Variants in RCL1 observed in about 807,000 individuals in gnomAD.
RCL1 encodes the protein RNA terminal phosphate cyclase like 1, also known as RNA 3'-terminal phosphate cyclase-like protein.
RCL1 carries 24 observed loss-of-function variants against 42.4 expected under a neutral mutation model. That is an observed-to-expected ratio of 0.57 (90% CI 0.41 to 0.80). RCL1 has a LOEUF of 0.80. Ranked by LOEUF, RCL1 falls within the 30% of genes least tolerant of loss-of-function variation. The pLI is 0.00. For missense variants in RCL1, 578 were observed against 467.9 expected, an observed-to-expected ratio of 1.24 and a Z score of -2.17; for synonymous variants, 228 against 177.3, an observed-to-expected ratio of 1.29 and a Z score of -2.27.
At chr9:4,794,517 A>G (rs1475158119) in intron 1 of RCL1, among the ~76,000 whole-genome samples, 1 of 152,164 alleles carries the variant, frequency 6.6e-6, no homozygotes, top group Non-Finnish European at 1.5e-5. Flanking sequence ...TGTTTGCTTG[A>G]TTGCTGTGTG....
At chr9:4,803,599 T>C (rs1380768024) in intron 1 of RCL1, among the ~76,000 whole-genome samples, 1 of 152,110 alleles carries the variant, frequency 6.6e-6, no homozygotes, top group Non-Finnish European at 1.5e-5. Context: ...GTTCTTTGAT[T>C]TTTATCTTTT....
At chr9:4,847,283 T>C (rs371709189) in intron 7 of RCL1, among the ~76,000 whole-genome samples, 4 of 152,228 alleles carry the variant, frequency 2.6e-5, no homozygotes, top group East Asian at 1.9e-4. Flanking sequence ...TTTATGTCTA[T>C]GATCTTTAAT....
chr9:4,834,317 C>T, intron 5 of RCL1, 52 bp downstream of exon 5: 1 of 1,565,628 alleles, frequency 6.4e-7, no homozygotes, highest in East Asian at 2.3e-5. Context: ...TGTTGCCTCA[C>T]TAAGATAAGA....
At position 4,827,755 on chromosome 9, in the gene RCL1, TGCAC is replaced by T. The variant is rs1318020713; in HGVS notation, c.384+725_384+728del. 5.0e-5 allele frequency among the ~76,000 whole-genome samples: 4 copies of T among 80,014 alleles called. No homozygotes were observed. The East Asian group carries it at 1.7e-3, about 34-fold the overall frequency. 52.5% of individuals were successfully genotyped at this position (80,014 alleles called of 152,430 possible). ...AAGTGTGTGTGTGTGTGTGTGTGTGTGCACGCGTGTGTGTGTGTGTGTGTGAGAG... is the reference window on the plus strand; with the variant it reads ...AAGTGTGTGTGTGTGTGTGTGTGTGTGCGTGTGTGTGTGTGTGTGTGAGAG... On this transcript the variant is annotated intron_variant, in intron 3 of 8. Transcript: ENST00000381750.
chr9:4,832,135 C>G (rs1286196800), intron 3 of RCL1, among the ~76,000 whole-genome samples: 1 of 152,238 alleles, frequency 6.6e-6, no homozygotes, highest in East Asian at 1.9e-4. Flanking sequence ...TCTTTCTACT[C>G]TTATCAGGAA....
At chr9:4,837,492 A>G (rs554563861) in intron 5 of RCL1, among the ~76,000 whole-genome samples, 1 of 151,990 alleles carries the variant, frequency 6.6e-6, no homozygotes, top group South Asian at 2.1e-4. Context: ...TTAATGCTGT[A>G]TTGGCGGCCG....
Position 4,793,234 on chromosome 9 carries a change from T to A in RCL1, c.136+7T>A. 6.3e-7 allele frequency: 1 copy of A among 1,588,606 alleles called. No individual in the cohort carries two copies. The highest frequency in any genetic ancestry group is 1.1e-5 in the South Asian group (1 of 87,842). ...GACAACCCGGGCCTCCGAGGTAACT[T>A]GGTGTGGGCGGCGCGCGGCGTGGGC... is the stretch of plus-strand genomic sequence containing the variant. On this transcript the variant is annotated splice_region_variant and intron_variant, in intron 1 of 8. Coordinates refer to ENST00000381750, the MANE Select transcript of RCL1 (RefSeq NM_005772.5).
intron 1 of RCL1, among the ~76,000 whole-genome samples, chr9:4,798,222 A>G (rs1017754897): frequency 6.6e-6 from 1 of 152,220 alleles, no homozygotes; most frequent in Non-Finnish European, 1.5e-5. Flanking sequence ...AAGTGCCTCT[A>G]TCTCTGGATT....
rs1563822305 is a variant in RCL1, at chr9:4,793,076, T to G, written c.-16T>G. On this transcript the variant is annotated 5_prime_UTR_variant, in exon 1 of 9. Coordinates refer to ENST00000381750, the MANE Select transcript of RCL1 (RefSeq NM_005772.5). ...GCCGCTCTCGGGCTGCTCACGTCTC[T>G]TCGGAGAGCGCGCACATGGCGACTC... The G allele has an allele frequency of 1.9e-6, 3 of 1,606,498 alleles. No homozygotes were observed. The highest frequency in any genetic ancestry group is 2.5e-6 in the Non-Finnish European group (3 of 1,176,864).
At chr9:4,847,303 G>A (rs1817553524) in intron 7 of RCL1, among the ~76,000 whole-genome samples, 2 of 152,116 alleles carry the variant, frequency 1.3e-5, no homozygotes, top group African/African-American at 2.4e-5. Context: ...TTATTAAAAG[G>A]ATGGAAATAC....
chr9:4,832,993 C>T (rs1186836300), intron 3 of RCL1, among the ~76,000 whole-genome samples, 161 bp from the exon 4 acceptor site: 1 of 152,104 alleles, frequency 6.6e-6, no homozygotes, highest in African/African-American at 2.4e-5. Flanking sequence ...TCACAGTGTT[C>T]CTCAGGCAGA....
intron 8 of RCL1, among the ~76,000 whole-genome samples, chr9:4,850,109 A>G (rs1353961089): frequency 6.6e-6 from 1 of 152,224 alleles, no homozygotes; most frequent in African/African-American, 2.4e-5. Context: ...GAAGACTTGA[A>G]TTATAAATGA....
intron 5 of RCL1, among the ~76,000 whole-genome samples, chr9:4,840,731 G>C (rs144151392): frequency 0.013 from 1,998 of 152,218 alleles, 39 homozygotes; most frequent in African/African-American, 0.045. Context: ...AACTTTTTCT[G>C]CTTCTCCCAT....
chr9:4,809,199 G>A (rs1816081632), intron 1 of RCL1, among the ~76,000 whole-genome samples: 1 of 151,638 alleles, frequency 6.6e-6, no homozygotes, highest in Non-Finnish European at 1.5e-5. Flanking sequence ...AATCTTCAGT[G>A]TTTGTCATTA....
chr9:4,810,318 C>G (rs550557512), intron 1 of RCL1, among the ~76,000 whole-genome samples: 243 of 152,254 alleles, frequency 1.6e-3, no homozygotes, highest in African/African-American at 5.5e-3. Context: ...AGCATCCTCC[C>G]ATGCTTGTGC....
chr9:4,854,014 C>A (rs1198597003), intron 8 of RCL1, among the ~76,000 whole-genome samples: 2 of 152,206 alleles, frequency 1.3e-5, no homozygotes, highest in Non-Finnish European at 2.9e-5. Flanking sequence ...CACTGCATTC[C>A]ATGAGCTTGC....
chr9:4,860,132 T>G lies in RCL1; in HGVS notation c.979T>G (p.Phe327Val), dbSNP rs751205726. Residue 327 changes from phenylalanine (F) to valine (V), a missense_variant, in exon 9 of 9, where the codon TTT becomes GTT. Phe to Val is a conservative substitution (Grantham distance 50). Transcript: ENST00000381750. ...LGPLSPYTIE[F>V]LRHLKSFFQI... ...TATTTTTTTCCTTTTTAGGATAGAA[T>G]TTTTGCGGCATTTGAAGAGCTTTTT... 7 of 1,579,670 alleles carry G rather than the reference T, an allele frequency of 4.4e-6. No homozygotes were observed. Among genetic ancestry groups the G allele is most frequent in the Non-Finnish European group, 6.0e-6 (7 of 1,166,744 alleles).
rs115433663 is a variant in RCL1 at position 4,809,244 on chromosome 9, C to G, written c.137-14304C>G. 9.0e-3 allele frequency among the ~76,000 whole-genome samples: 1,365 copies of G among 152,206 alleles called. 23 individuals are homozygous for G. The highest frequency in any genetic ancestry group is 0.031 in the African/African-American group (1,291 of 41,510). On this transcript the variant is annotated intron_variant, in intron 1 of 8. Transcript: ENST00000381750. ...GCAGTAAAGTTTTCTTACATATATCCTAACATTCTTCTGTTTCCATAGGTA... is the reference window on the plus strand; with the variant it reads ...GCAGTAAAGTTTTCTTACATATATCGTAACATTCTTCTGTTTCCATAGGTA...
At chr9:4,805,877 G>A (rs564053005) in intron 1 of RCL1, among the ~76,000 whole-genome samples, 78 of 152,264 alleles carry the variant, frequency 5.1e-4, no homozygotes, top group South Asian at 3.9e-3. Flanking sequence ...CTGTTATATA[G>A]TTTTCAGCAT....
Sources: gnomAD v4.1 joint callset for allele counts (sites outside exome capture counted in the v4.1 genomes callset) on GRCh38, gnomAD v4.1.1 for gene constraint, MANE v1.5 for transcripts, NCBI Gene and HGNC (gene_info 2026-07-23, HGNC 2026-07-21) for gene names.